CC2D2A: variants seen among roughly 807,000 people sequenced by gnomAD.
CC2D2A encodes coiled-coil and C2 domain-containing protein 2A.
In CC2D2A, 155 loss-of-function variants were observed where a neutral mutation model predicts 212.9. The observed-to-expected ratio is 0.73, with a 90% CI of 0.64 to 0.83. The LOEUF (loss-of-function observed/expected upper bound fraction) is 0.83. CC2D2A is among the 40% of genes least tolerant of loss of function. The probability of loss-of-function intolerance (pLI) is 0.00; values close to 1 mark genes in which losing one functional copy is unlikely to be tolerated. For missense variants in CC2D2A, 1,856 were observed against 1,956.2 expected, an observed-to-expected ratio of 0.95 and a Z score of 0.97; for synonymous variants, 667 against 686.5, an observed-to-expected ratio of 0.97 and a Z score of 0.44.
chr4:15,504,800 A>G (rs201136874), intron 6 of CC2D2A, among the ~76,000 whole-genome samples: 3 of 152,348 alleles, frequency 2.0e-5, no homozygotes, highest in East Asian at 3.8e-4. Context: ...TCACATATTC[A>G]TAATAGGACA....
intron 22 of CC2D2A, among the ~76,000 whole-genome samples, chr4:15,560,037 C>T (rs763658512): frequency 6.6e-6 from 1 of 151,968 alleles, no homozygotes; most frequent in African/African-American, 2.4e-5. Flanking sequence ...TTGCCACGTG[C>T]CCCAGGCTAG....
chr4:15,498,343 G>C (rs1715734882), intron 4 of CC2D2A, among the ~76,000 whole-genome samples: 1 of 152,124 alleles, frequency 6.6e-6, no homozygotes, highest in Admixed American at 6.6e-5. Flanking sequence ...ATAAGTTCTT[G>C]CATGCCCTCA....
chr4:15,476,099 GAA>G lies in CC2D2A; in HGVS notation c.39+129_39+130del. 3.9e-6 allele frequency: 3 copies of G among 764,936 alleles called. No individual in the cohort carries two copies. In the South Asian group the frequency reaches 5.7e-5, roughly 15 times the overall value. The allele number at this position is 764,936 out of a possible 1,614,324, so 47.4% of individuals were successfully genotyped here. ...ACATGTTAAAAGAAAAGCTTTACAT[GAA>G]TTAGATTCAACAGAGTCTAATTGTA... On this transcript the variant is annotated intron_variant, in intron 2 of 36. Transcript: ENST00000424120.
At chr4:15,488,598 C>T (rs1289500639) in intron 4 of CC2D2A, among the ~76,000 whole-genome samples, 8 of 152,184 alleles carry the variant, frequency 5.3e-5, no homozygotes, top group African/African-American at 1.9e-4. Flanking sequence ...TGTACCTGCT[C>T]AAATATCTGG....
chr4:15,564,369 ACTT>A (rs1719781850), intron 24 of CC2D2A: 1 of 151,818 alleles, frequency 6.6e-6, no homozygotes, highest in Admixed American at 6.6e-5. Flanking sequence ...CTGGCGTGAA[ACTT>A]CTTTTTGGTA....
At chr4:15,513,848 C>T (rs1411953518) in intron 8 of CC2D2A, among the ~76,000 whole-genome samples, 2 of 152,160 alleles carry the variant, frequency 1.3e-5, no homozygotes. Flanking sequence ...TACATAGATT[C>T]CCTTTTTCCT....
chr4:15,591,802 A>G (rs937377463), intron 33 of CC2D2A, among the ~76,000 whole-genome samples: 2 of 152,354 alleles, frequency 1.3e-5, no homozygotes, highest in Non-Finnish European at 1.5e-5. Flanking sequence ...AAGCCTTCAA[A>G]TAACTCTGTT....
At chr4:15,600,903 CAAAAAAA>C (rs5856308) in intron 36 of CC2D2A, among the ~76,000 whole-genome samples, 10 of 93,006 alleles carry the variant, frequency 1.1e-4, no homozygotes, top group East Asian at 2.6e-4. Context: ...AGACCTGTCT[CAAAAAAA>C]AAAAAAAAAA....
intron 36 of CC2D2A, among the ~76,000 whole-genome samples, chr4:15,600,913 A>AAG (rs34835747): frequency 0.31 from 46,135 of 147,346 alleles, 7,597 homozygotes; most frequent in Middle Eastern, 0.43. Flanking sequence ...CAAAAAAAAA[A>AAG]AAAAAAAAGA....
At chr4:15,563,579 C>A (rs938570816) in intron 24 of CC2D2A, 57 bp downstream of exon 24, 11 of 1,543,658 alleles carry the variant, frequency 7.1e-6, no homozygotes, top group South Asian at 1.2e-5. Context: ...CCAAGTCAAT[C>A]GCTCCTTTAC....
chr4:15,540,390 A>AG (rs1303856866), intron 16 of CC2D2A, among the ~76,000 whole-genome samples: 1 of 152,182 alleles, frequency 6.6e-6, no homozygotes, highest in Admixed American at 6.5e-5. Flanking sequence ...GAAAATGTTG[A>AG]GAAAAACTTG....
chr4:15,577,342 A>T (rs1409295568), intron 29 of CC2D2A, among the ~76,000 whole-genome samples: 2 of 152,158 alleles, frequency 1.3e-5, no homozygotes, highest in Non-Finnish European at 2.9e-5. Flanking sequence ...TTTTTTATAA[A>T]TGTTTACATT....
At chr4:15,501,935 C>A (rs1380479852) in intron 4 of CC2D2A, among the ~76,000 whole-genome samples, 1 of 152,058 alleles carries the variant, frequency 6.6e-6, no homozygotes, top group Non-Finnish European at 1.5e-5. Context: ...TGATATAGCC[C>A]AGGGATAAAC....
At chr4:15,586,103 C>A in intron 30 of CC2D2A, 54 bp from the exon 31 acceptor site, 1 of 1,222,204 alleles carries the variant, frequency 8.2e-7, no homozygotes, top group Non-Finnish European at 1.2e-6. Flanking sequence ...GTAGGGGATG[C>A]AGCATTCTGT....
In CC2D2A at chr4:15,537,939, A is replaced by T. The variant is rs754849336; in HGVS notation, c.1805A>T (p.His602Leu). The T allele has an allele frequency of 6.2e-7, 1 of 1,608,790 alleles. No individual in the cohort carries two copies. Among genetic ancestry groups the T allele is most frequent in the East Asian group, 2.2e-5 (1 of 44,676 alleles). The change falls in exon 16 of 37, where the codon CAT becomes CTT. Residue 602 changes from histidine (H) to leucine (L), a missense_variant. Physicochemically the swap from His to Leu is moderately conservative, Grantham distance 99. Coordinates refer to ENST00000424120, the MANE Select transcript of CC2D2A (RefSeq NM_001378615.1). The stretch of plus-strand genomic sequence containing the variant: ...AAAAGGAAACAAGCAGCAGAAGAAC[A>T]TCCCGGTGATGAGATTGCAGAGCCG... ...KKKRKQAAEE[H>L]PGDEIAEPYP...
At chr4:15,535,349 C>T (rs1424190607) in intron 14 of CC2D2A, among the ~76,000 whole-genome samples, 1 of 152,018 alleles carries the variant, frequency 6.6e-6, no homozygotes, top group Non-Finnish European at 1.5e-5. Context: ...AACTCTCCCT[C>T]CATCCCTCCC....
intron 23 of CC2D2A, among the ~76,000 whole-genome samples, chr4:15,561,113 G>A (rs1024304052): frequency 1.3e-5 from 2 of 152,206 alleles, no homozygotes; most frequent in Non-Finnish European, 2.9e-5. Flanking sequence ...TGGTGAGAGT[G>A]TAGAACAGCA....
chr4:15,529,910 A>G (rs201056150), intron 13 of CC2D2A, among the ~76,000 whole-genome samples: 2 of 125,756 alleles, frequency 1.6e-5, no homozygotes, highest in Non-Finnish European at 3.2e-5. Context: ...TAATTTTATT[A>G]TTATTAAGTT....
At chr4:15,470,727 A>C (rs912208759) in intron 1 of CC2D2A, among the ~76,000 whole-genome samples, 1 of 120,154 alleles carries the variant, frequency 8.3e-6, no homozygotes, top group East Asian at 2.6e-4. Context: ...ATATATATAT[A>C]TATATATCCT....
Sources: allele counts gnomAD v4.1 joint callset (sites outside exome capture counted in the v4.1 genomes callset), GRCh38; gene constraint gnomAD v4.1.1; transcripts MANE v1.5; gene names NCBI Gene and HGNC (gene_info 2026-07-23, HGNC 2026-07-21).